CD99: variants seen among roughly 807,000 people sequenced by gnomAD.
CD99 encodes CD99 antigen.
In CD99, 19 loss-of-function variants were observed where a neutral mutation model predicts 28.4. The observed-to-expected ratio is 0.67, with a 90% CI of 0.47 to 0.98. The LOEUF (loss-of-function observed/expected upper bound fraction) is 0.98. CD99 is among the 50% of genes least tolerant of loss of function. The probability of loss-of-function intolerance (pLI) is 0.00; values close to 1 mark genes in which losing one functional copy is unlikely to be tolerated. For synonymous variants in CD99, 103 were observed against 92.1 expected (o/e 1.12, Z -0.67); for missense variants, 283 against 248.8 (o/e 1.14, Z -0.92).
At chrX:2,733,267 C>G in intron 8 of CD99, 2 of 1,357,472 alleles carry the variant, frequency 1.5e-6, no homozygotes, top group South Asian at 2.5e-5. Context: ...CTCCCTGCTG[C>G]TGGGAGCCCC....
chrX:2,709,192 CA>C (rs1178033851), intron 1 of CD99, among the ~76,000 whole-genome samples: 4 of 152,204 alleles, frequency 2.6e-5, no homozygotes, highest in Non-Finnish European at 5.9e-5. Context: ...TGCACACATA[CA>C]CAGGCACATA....
chrX:2,710,658 G>A (rs1378454590), intron 1 of CD99, among the ~76,000 whole-genome samples: 8 of 151,848 alleles, frequency 5.3e-5, no homozygotes, highest in Non-Finnish European at 8.8e-5. Flanking sequence ...TCTTTGTTGG[G>A]GTGGAGGGGG....
At chrX:2,711,338 AGT>A (rs924850273) in intron 1 of CD99, among the ~76,000 whole-genome samples, 4 of 148,662 alleles carry the variant, frequency 2.7e-5, no homozygotes, top group Non-Finnish European at 5.9e-5. Flanking sequence ...GTATATATGT[AGT>A]GTGTGTATAC....
At chrX:2,715,574 G>A (rs1311823159) in intron 2 of CD99, 2 of 152,214 alleles carry the variant, frequency 1.3e-5, no homozygotes, top group African/African-American at 4.8e-5. Context: ...CTAATCTCAA[G>A]ATCCTTCTCT....
intron 1 of CD99, among the ~76,000 whole-genome samples, chrX:2,701,862 GA>G (rs368450467): frequency 1.5e-3 from 230 of 152,322 alleles, no homozygotes; most frequent in African/African-American, 4.9e-3. Context: ...AGATAGAAGA[GA>G]AGGCACAAGC....
chrX:2,714,489 A>T (rs2048591733), intron 2 of CD99, 35 bp downstream of exon 2: 1 of 1,550,646 alleles, frequency 6.4e-7, no homozygotes, highest in Non-Finnish European at 8.9e-7. Flanking sequence ...AATCCCGTCA[A>T]TATTTTATGT....
intron 8 of CD99, among the ~76,000 whole-genome samples, chrX:2,732,988 T>C (rs984938681): frequency 5.6e-5 from 8 of 142,670 alleles, no homozygotes; most frequent in African/African-American, 2.0e-4. Flanking sequence ...CCTGCTTCAC[T>C]TCTTCCTCCC....
intron 1 of CD99, among the ~76,000 whole-genome samples, chrX:2,701,300 G>A (rs1360832187): frequency 6.6e-6 from 1 of 151,934 alleles, no homozygotes. Flanking sequence ...CCCAGTCCAT[G>A]GCTCTTTCAT....
chrX:2,722,941 C>T (rs1462167778), intron 6 of CD99, among the ~76,000 whole-genome samples: 1 of 152,180 alleles, frequency 6.6e-6, no homozygotes, highest in Non-Finnish European at 1.5e-5. Flanking sequence ...GATGAATGGG[C>T]CCTTGTCACC....
At chrX:2,727,433 A>G (rs1379048241) in intron 8 of CD99, 41 of 737,374 alleles carry the variant, frequency 5.6e-5, no homozygotes, top group Non-Finnish European at 8.8e-5. Flanking sequence ...TTGCATGACC[A>G]AGCATTGTGG....
At chrX:2,722,968 G>A (rs144218590) in intron 6 of CD99, among the ~76,000 whole-genome samples, 2,016 of 152,276 alleles carry the variant, frequency 0.013, 15 homozygotes, top group Non-Finnish European at 0.021. Flanking sequence ...TCACCCATCC[G>A]TTCACCTGTG....
intron 2 of CD99, 144 bp downstream of exon 2, chrX:2,714,598 T>C (rs1210736006): frequency 9.3e-6 from 6 of 647,790 alleles, no homozygotes; most frequent in East Asian, 5.2e-5. Context: ...CCAGTACATA[T>C]AAATGTTATG....
intron 8 of CD99, among the ~76,000 whole-genome samples, chrX:2,728,391 T>C (rs1190143374): frequency 6.6e-6 from 1 of 151,830 alleles, no homozygotes; most frequent in Admixed American, 6.6e-5. Flanking sequence ...AGATGGAGTT[T>C]CGTCATGTTG....
At chrX:2,706,927 T>C (rs1386152247) in intron 1 of CD99, among the ~76,000 whole-genome samples, 1 of 151,876 alleles carries the variant, frequency 6.6e-6, no homozygotes, top group Non-Finnish European at 1.5e-5. Flanking sequence ...TTCAAGCGAT[T>C]CTCCTGCCTC....
chrX:2,738,173 C>T (rs201854636), intron 8 of CD99, 27 bp from the exon 9 acceptor site: 2 of 1,609,734 alleles, frequency 1.2e-6, no homozygotes, highest in Non-Finnish European at 1.7e-6. Flanking sequence ...CACTGAGCCT[C>T]TCTGTGTATT....
At chrX:2,713,021 C>T (rs1223525079) in intron 1 of CD99, among the ~76,000 whole-genome samples, 25 of 151,588 alleles carry the variant, frequency 1.6e-4, no homozygotes, top group Admixed American at 1.3e-3. Context: ...GGCACAAACA[C>T]ACAAATGCAC....
At chrX:2,691,734 A>T in intron 1 of CD99, 1 of 723,118 alleles carries the variant, frequency 1.4e-6, no homozygotes, top group Non-Finnish European at 2.6e-6. Context: ...ACCTTCTTAC[A>T]GATCTCTCTC....
At chrX:2,716,417 G>A (rs1311903136) in intron 2 of CD99, among the ~76,000 whole-genome samples, 1 of 152,064 alleles carries the variant, frequency 6.6e-6, no homozygotes, top group Non-Finnish European at 1.5e-5. Flanking sequence ...GCTCACTGCA[G>A]CCTTGACCGT....
At chrX:2,733,361 C>T (rs1205393786) in intron 8 of CD99, 1 of 1,590,618 alleles carries the variant, frequency 6.3e-7, no homozygotes, top group Non-Finnish European at 8.6e-7. Flanking sequence ...TTTCAGATGG[C>T]TGAAGACCTA....
Sources: allele counts gnomAD v4.1 joint callset (sites outside exome capture counted in the v4.1 genomes callset), GRCh38; gene constraint gnomAD v4.1.1; transcripts MANE v1.5; gene names NCBI Gene and HGNC (gene_info 2026-07-23, HGNC 2026-07-21).